The following SCD5 variants were observed in gnomAD, a reference collection of about 807,000 sequenced individuals.
SCD5 encodes the protein acyl-CoA-desaturase 4.
SCD5 carries 20 observed loss-of-function variants against 30.4 expected under a neutral mutation model. The observed-to-expected ratio is 0.66, with a 90% CI of 0.46 to 0.96. The LOEUF (loss-of-function observed/expected upper bound fraction) is 0.96. SCD5 is among the 40% of genes least tolerant of loss of function. The pLI is 0.00. For synonymous variants in SCD5, 173 were observed against 176.4 expected, an observed-to-expected ratio of 0.98 and a Z score of 0.16; for missense variants, 381 against 443.3, an observed-to-expected ratio of 0.86 and a Z score of 1.26.
chr4:82,658,410 T>C (rs1419255863), intron 3 of SCD5, among the ~76,000 whole-genome samples: 2 of 152,026 alleles, frequency 1.3e-5, no homozygotes, highest in African/African-American at 4.8e-5. Context: ...TTGATATGTG[T>C]ATGTTGAACG....
At chr4:82,685,569 C>T (rs1422769572) in intron 2 of SCD5, among the ~76,000 whole-genome samples, 3 of 151,570 alleles carry the variant, frequency 2.0e-5, no homozygotes, top group Non-Finnish European at 2.9e-5. Flanking sequence ...AAAAATTAGC[C>T]GGGCATGGTG....
At chr4:82,747,526 TA>T (rs1212957070) in intron 1 of SCD5, among the ~76,000 whole-genome samples, 3 of 152,246 alleles carry the variant, frequency 2.0e-5, no homozygotes, top group Non-Finnish European at 4.4e-5. Context: ...TTCTCTTATA[TA>T]AAATGGGGGT....
intron 1 of SCD5, among the ~76,000 whole-genome samples, chr4:82,751,280 CT>C (rs773215108): frequency 1.3e-5 from 2 of 151,880 alleles, no homozygotes; most frequent in African/African-American, 2.4e-5. Context: ...ACTGCAGCCT[CT>C]AACTCCTGGC....
At chr4:82,632,227 G>C (rs6821506) in intron 4 of SCD5, among the ~76,000 whole-genome samples, 1 of 133,172 alleles carries the variant, frequency 7.5e-6, no homozygotes, top group African/African-American at 2.7e-5. Flanking sequence ...GATGTTCCCC[G>C]CCCTGTGTCC....
Position 82,772,685 on chromosome 4 carries a change from G to A in SCD5, c.232+25621C>T, listed in dbSNP as rs557268404. Among the ~76,000 whole-genome samples, 6 of 152,180 alleles carry A rather than the reference G, an allele frequency of 3.9e-5. No homozygotes were observed. The South Asian group carries it at 8.3e-4, about 21-fold the overall frequency. Reference sequence around the variant, plus strand: ...TCACATGGAGGCAGAAAGGTTCCCCGTGACAAGAGCAGAAGCACCTCTTGT... The same window carrying A: ...TCACATGGAGGCAGAAAGGTTCCCCATGACAAGAGCAGAAGCACCTCTTGT... On this transcript the variant is annotated intron_variant, in intron 1 of 4. Transcript: ENST00000319540.
At chr4:82,741,873 A>T (rs1376767964) in intron 1 of SCD5, among the ~76,000 whole-genome samples, 1 of 148,732 alleles carries the variant, frequency 6.7e-6, no homozygotes, top group Middle Eastern at 3.4e-3. Flanking sequence ...GAGTGGGCAG[A>T]TAGGTGAAGA....
At chr4:82,733,264 G>A (rs1345375223) in intron 1 of SCD5, among the ~76,000 whole-genome samples, 1 of 152,090 alleles carries the variant, frequency 6.6e-6, no homozygotes, top group Non-Finnish European at 1.5e-5. Flanking sequence ...CTCTAGCTTT[G>A]GTCTCTTTCA....
intron 2 of SCD5, among the ~76,000 whole-genome samples, chr4:82,682,274 C>T (rs1211332693): frequency 6.6e-6 from 1 of 152,144 alleles, no homozygotes; most frequent in East Asian, 1.9e-4. Flanking sequence ...TAATGGGAGA[C>T]ACGGGAGGGT....
intron 1 of SCD5, among the ~76,000 whole-genome samples, chr4:82,753,829 A>G (rs1187984869): frequency 6.6e-6 from 1 of 152,192 alleles, no homozygotes; most frequent in Non-Finnish European, 1.5e-5. Flanking sequence ...AGAGGGATTA[A>G]AAGGCAGACA....
rs371461520 is a variant in SCD5 at position 82,756,642 on chromosome 4, A to C, written c.232+41664T>G. On this transcript the variant is annotated intron_variant, in intron 1 of 4. Transcript: ENST00000319540. ...CGGGAAGCTGAGGCAGCATTAGCTA[A>C]GACTGTTCCTCCCCCACCCCCCTCC... 3.4e-4 allele frequency among the ~76,000 whole-genome samples: 51 copies of C among 150,204 alleles called. No homozygotes were observed. In the East Asian group the frequency reaches 8.6e-3, roughly 25 times the overall value.
At chr4:82,703,006 AC>A (rs113897066) in intron 2 of SCD5, among the ~76,000 whole-genome samples, 153 of 152,156 alleles carry the variant, frequency 1.0e-3, no homozygotes, top group African/African-American at 3.5e-3. Flanking sequence ...TTGTTATAAA[AC>A]CCCAGGTCCA....
intron 2 of SCD5, among the ~76,000 whole-genome samples, chr4:82,684,302 T>C (rs932011252): frequency 1.3e-5 from 2 of 152,182 alleles, no homozygotes; most frequent in African/African-American, 2.4e-5. Context: ...TTGTTTTGTT[T>C]TCAAGTGTAA....
At chr4:82,656,239 C>A (rs960822298) in intron 3 of SCD5, among the ~76,000 whole-genome samples, 7 of 151,978 alleles carry the variant, frequency 4.6e-5, no homozygotes, top group African/African-American at 1.7e-4. Flanking sequence ...TAATGCTATC[C>A]CTCCCTTAGC....
intron 3 of SCD5, among the ~76,000 whole-genome samples, chr4:82,650,843 T>G (rs1727737327): frequency 6.7e-6 from 1 of 150,214 alleles, no homozygotes. Flanking sequence ...ATATATAAGA[T>G]TACATATAAA....
At position 82,630,773 on chromosome 4, in the gene SCD5, TCCAGC is replaced by T. The variant is rs1248176718; in HGVS notation, c.*549_*553del. On this transcript the variant is annotated 3_prime_UTR_variant, in exon 5 of 5. Coordinates refer to ENST00000319540, the MANE Select transcript of SCD5 (RefSeq NM_001037582.3). ...GTGAGCTGAGATCTCGCCACTGCACTCCAGCCTGGGGGACAGAGCGAGCCTCCGTC... is the reference window on the plus strand; with the variant it reads ...GTGAGCTGAGATCTCGCCACTGCACTCTGGGGGACAGAGCGAGCCTCCGTC... 1 of 151,688 alleles carries T rather than the reference TCCAGC, an allele frequency of 6.6e-6. No individual in the cohort carries two copies. The highest frequency in any genetic ancestry group is 1.5e-5 in the Non-Finnish European group (1 of 67,970). 9.4% of individuals were successfully genotyped at this position (151,688 alleles called of 1,614,324 possible). A position where few individuals can be genotyped will look rare whatever the true frequency, so the allele number is the denominator to read the frequency against.
chr4:82,711,255 G>A (rs1315305029), intron 1 of SCD5, among the ~76,000 whole-genome samples: 1 of 151,986 alleles, frequency 6.6e-6, no homozygotes, highest in Non-Finnish European at 1.5e-5. Flanking sequence ...CTGATGAGGA[G>A]GCAGAGATTT....
At chr4:82,703,283 T>C (rs1455060803) in intron 2 of SCD5, among the ~76,000 whole-genome samples, 1 of 152,246 alleles carries the variant, frequency 6.6e-6, no homozygotes, top group Non-Finnish European at 1.5e-5. Context: ...TTTATTTTTT[T>C]ATTTACCTAA....
chr4:82,683,788 G>A (rs1728632949), intron 2 of SCD5, among the ~76,000 whole-genome samples: 1 of 152,118 alleles, frequency 6.6e-6, no homozygotes. Context: ...AAAGTGTGTG[G>A]CAGTTTCCCC....
At chr4:82,712,269 TA>T (rs1720114582) in intron 1 of SCD5, among the ~76,000 whole-genome samples, 3 of 49,246 alleles carry the variant, frequency 6.1e-5, no homozygotes, top group Non-Finnish European at 1.0e-4. Context: ...TATATATATA[TA>T]TATATATATA....
Sources: allele counts gnomAD v4.1 joint callset (sites outside exome capture counted in the v4.1 genomes callset), GRCh38; gene constraint gnomAD v4.1.1; transcripts MANE v1.5; gene names NCBI Gene and HGNC (gene_info 2026-07-23, HGNC 2026-07-21).